SLC10A6: variants seen among roughly 807,000 people sequenced by gnomAD.
SLC10A6 encodes the protein solute carrier family 10 member 6.
A neutral mutation model predicts 30.0 loss-of-function variants in SLC10A6; 27 were observed. The ratio of observed to expected loss-of-function variants is 0.90; its 90% CI spans 0.66 to 1.24. The LOEUF is 1.24. Among genes scored for constraint, SLC10A6 ranks in the 50% most tolerant of loss-of-function variants. The pLI, the probability that SLC10A6 is intolerant of heterozygous loss-of-function variation, is 0.00. For missense variants in SLC10A6, 439 were observed against 457.0 expected, an observed-to-expected ratio of 0.96 and a Z score of 0.36; for synonymous variants, 166 against 173.8, an observed-to-expected ratio of 0.95 and a Z score of 0.36.
At chr4:86,841,929 C>T (rs1238651316) in intron 1 of SLC10A6, among the ~76,000 whole-genome samples, 1 of 152,176 alleles carries the variant, frequency 6.6e-6, no homozygotes, top group Non-Finnish European at 1.5e-5. Flanking sequence ...ATAAATGTTA[C>T]CCTTGTCTGC....
rs757324772 is a variant in SLC10A6 at position 86,828,152 on chromosome 4, C to A, written c.602G>T (p.Gly201Val). 6.2e-7 allele frequency: 1 copy of A among 1,612,198 alleles called. No homozygotes were observed. The highest frequency in any genetic ancestry group is 8.5e-7 in the Non-Finnish European group (1 of 1,179,340). ...TGCGACCACCAGAAGGAGGACCCCA[C>A]CAACAACGGCCCCAATCTGAAGCAA... ...KIILKIGAVV[G>V]GVLLLVVAVA... Residue 201 changes from glycine to valine, a missense_variant, in exon 4 of 6, where the codon GGT becomes GTT. By Grantham distance (109) the Gly-to-Val change is moderately radical. Coordinates refer to ENST00000273905, the MANE Select transcript of SLC10A6 (RefSeq NM_197965.3).
At chr4:86,837,806 A>G (rs1270297836) in intron 1 of SLC10A6, 1 of 201,128 alleles carries the variant, frequency 5.0e-6, no homozygotes, top group East Asian at 1.9e-4. Context: ...AGCATGTACA[A>G]ACTGTTTATA....
At chr4:86,826,048 C>CAG (rs1439039136) in intron 4 of SLC10A6, among the ~76,000 whole-genome samples, 1 of 152,048 alleles carries the variant, frequency 6.6e-6, no homozygotes, top group Non-Finnish European at 1.5e-5. Flanking sequence ...AGCCAATCTG[C>CAG]AGAGAGGAGA....
Position 86,823,899 on chromosome 4 carries a change from T to C in SLC10A6, c.923A>G (p.Tyr308Cys). 1.9e-6 allele frequency: 3 copies of C among 1,605,794 alleles called. No homozygotes were observed. Among genetic ancestry groups the C allele is most frequent in the Non-Finnish European group, 2.6e-6 (3 of 1,175,686 alleles). ...CTTCAATCTCCTCTTGTACGTCTGA[T>C]ATGCTAGGTGTTAAAACATACAAGT... is the stretch of plus-strand genomic sequence containing the variant. ...LIDGFLIVAA[Y>C]QTYKRRLKNK... The change falls in exon 6 of 6, where the codon TAT becomes TGT. Residue 308 changes from tyrosine (Y) to cysteine (C), a missense_variant. By Grantham distance (194) the Tyr-to-Cys change is radical. Transcript: ENST00000273905.
chr4:86,832,672 A>G (rs1282903281), intron 2 of SLC10A6, among the ~76,000 whole-genome samples: 1 of 152,128 alleles, frequency 6.6e-6, no homozygotes, highest in Non-Finnish European at 1.5e-5. Flanking sequence ...ATTTCACCAC[A>G]TTTCTCTTCT....
Position 86,848,956 on chromosome 4 carries a change from C to T in SLC10A6, c.160G>A (p.Glu54Lys). The T allele has an allele frequency of 6.2e-7, 1 of 1,613,484 alleles. No homozygotes were observed. The highest frequency in any genetic ancestry group is 8.5e-7 in the Non-Finnish European group (1 of 1,179,846). The change falls in exon 1 of 6, where the codon GAG (glutamate) becomes AAG (lysine). Residue 54 changes from glutamate (E) to lysine (K), a missense_variant. Glu to Lys is a moderately conservative substitution (Grantham distance 56). Transcript: ENST00000273905. ...ATGTGCGACCACAGCTTCCGGATCT[C>T]CACGGAACATCCCAAAGAGAACATG... ...LLMFSLGCSV[E>K]IRKLWSHIRR...
At position 86,831,992 on chromosome 4, in the gene SLC10A6, T is replaced by G. The variant is rs933659492; in HGVS notation, c.497-112A>C. 3 of 836,064 alleles carry G rather than the reference T, an allele frequency of 3.6e-6. No individual in the cohort carries two copies. The South Asian group carries it at 4.6e-5, about 13-fold the overall frequency. The allele number at this position is 836,064 out of a possible 1,614,324, so 51.8% of individuals were successfully genotyped here. A position where few individuals can be genotyped will look rare whatever the true frequency, so the allele number is the denominator to read the frequency against. On this transcript the variant is annotated intron_variant, in intron 2 of 5. Transcript: ENST00000273905. ...ACAGCTTTAAACTGACATTTTCCCA[T>G]GCCACTTCCCAAGTCTGGATAAATG...
At chr4:86,828,240 T>C in intron 3 of SLC10A6, 72 bp from the exon 4 acceptor site, 1 of 1,479,790 alleles carries the variant, frequency 6.8e-7, no homozygotes, top group South Asian at 1.4e-5. Flanking sequence ...TCCATCAAGG[T>C]TGTAAAATGC....
Position 86,823,750 on chromosome 4 carries a change from G to A in SLC10A6, c.1072C>T (p.Pro358Ser). ...GCCCTGTGGCAATCCATTGGCCCTG[G>A]TGGCCCAGGAGTGATGGCACCTTCT... ...NEEGAITPGP[P>S]GPMDCHRALE... The change falls in exon 6 of 6, where the codon CCA becomes TCA. Residue 358 changes from proline (P) to serine (S), a missense_variant. Transcript: ENST00000273905. The A allele has an allele frequency of 6.2e-7, 1 of 1,614,140 alleles. No individual in the cohort carries two copies. Among genetic ancestry groups the A allele is most frequent in the Non-Finnish European group, 8.5e-7 (1 of 1,180,004 alleles).
At chr4:86,830,445 T>C (rs1292898313) in intron 3 of SLC10A6, among the ~76,000 whole-genome samples, 1 of 152,220 alleles carries the variant, frequency 6.6e-6, no homozygotes, top group Non-Finnish European at 1.5e-5. Context: ...GATGGGACTT[T>C]ATTCCATGAG....
intron 1 of SLC10A6, among the ~76,000 whole-genome samples, chr4:86,837,294 G>GAAAGAAAGAAAGAAAAAGA (rs1560460401): frequency 2.9e-5 from 2 of 68,758 alleles, no homozygotes; most frequent in Admixed American, 1.4e-4. Flanking sequence ...AAAAAGAAAG[G>GAAAGAAAGAAAGAAAAAGA]AAGGAAGGAA....
intron 1 of SLC10A6, among the ~76,000 whole-genome samples, chr4:86,837,225 G>GAGAAAGAAAGAAAGAAAGAA (rs530121412): frequency 4.1e-4 from 16 of 39,134 alleles, no homozygotes; most frequent in South Asian, 9.1e-4. Flanking sequence ...GAGAGAGAGA[G>GAGAAAGAAAGAAAGAAAGAA]AGAAAGAAAG....
Position 86,823,599 on chromosome 4 carries a change from G to T in SLC10A6, c.*89C>A. The T allele has an allele frequency of 4.1e-6, 4 of 976,114 alleles. No individual in the cohort carries two copies. The highest frequency in any genetic ancestry group is 2.9e-5 in the Admixed American group (1 of 34,500). 60.5% of individuals were successfully genotyped at this position (976,114 alleles called of 1,614,324 possible). A position where few individuals can be genotyped will look rare whatever the true frequency, so the allele number is the denominator to read the frequency against. Reference sequence around the variant, plus strand: ...ATTGAACACTTAAATATTCACACTGGCCCTACCAACAAGATTCATGTGTCA... The same window carrying T: ...ATTGAACACTTAAATATTCACACTGTCCCTACCAACAAGATTCATGTGTCA... On this transcript the variant is annotated 3_prime_UTR_variant, in exon 6 of 6. Transcript: ENST00000273905.
At position 86,827,607 on chromosome 4, in the gene SLC10A6, TA is replaced by T. The variant is rs540212333; in HGVS notation, c.761+385del. Among the ~76,000 whole-genome samples the T allele has an allele frequency of 3.3e-3, 507 of 152,268 alleles. 1 individual carries two copies. Among genetic ancestry groups the T allele is most frequent in the African/African-American group, 0.012 (490 of 41,522 alleles). On this transcript the variant is annotated intron_variant, in intron 4 of 5. Transcript: ENST00000273905. Reference sequence around the variant, plus strand: ...CTTCAAAAATATACCAAGGAAATACTAAAGAACTAAAATTATCCTTAATTTC... The same window carrying T: ...CTTCAAAAATATACCAAGGAAATACTAAGAACTAAAATTATCCTTAATTTC...
chr4:86,834,587 G>C (rs887707503), intron 1 of SLC10A6, among the ~76,000 whole-genome samples: 1 of 152,132 alleles, frequency 6.6e-6, no homozygotes, highest in Non-Finnish European at 1.5e-5. Flanking sequence ...GCTAGATTCA[G>C]TGTGATAGTA....
intron 1 of SLC10A6, among the ~76,000 whole-genome samples, chr4:86,834,618 A>G (rs770575728): frequency 1.2e-4 from 19 of 152,122 alleles, no homozygotes; most frequent in South Asian, 2.1e-4. Flanking sequence ...AAATTTTTGC[A>G]TGTATATTCA....
intron 4 of SLC10A6, among the ~76,000 whole-genome samples, chr4:86,825,785 A>G (rs928321036): frequency 6.6e-6 from 1 of 152,248 alleles, no homozygotes; most frequent in African/African-American, 2.4e-5. Flanking sequence ...TGCCCTAGGC[A>G]TCTGAGTAAA....
At chr4:86,833,263 TCAC>T (rs761174879) in intron 2 of SLC10A6, 40 bp downstream of exon 2, 1 of 1,412,086 alleles carries the variant, frequency 7.1e-7, no homozygotes, top group South Asian at 1.2e-5. Flanking sequence ...ATTAGTATCA[TCAC>T]CATTACTGTT....
chr4:86,823,762 T>C lies in SLC10A6; in HGVS notation c.1060A>G (p.Thr354Ala). 6.2e-7 allele frequency: 1 copy of C among 1,614,116 alleles called. No homozygotes were observed. Among genetic ancestry groups the C allele is most frequent in the Non-Finnish European group, 8.5e-7 (1 of 1,180,008 alleles). ...TCCATTGGCCCTGGTGGCCCAGGAGTGATGGCACCTTCTTCATTCACCTCC... is the reference window on the plus strand; with the variant it reads ...TCCATTGGCCCTGGTGGCCCAGGAGCGATGGCACCTTCTTCATTCACCTCC... Reference protein sequence around the residue: ...FLEVNEEGAITPGPPGPMDCH... With the variant: ...FLEVNEEGAIAPGPPGPMDCH... The change falls in exon 6 of 6, where the codon ACT (threonine) becomes GCT (alanine). Residue 354 changes from threonine (T) to alanine (A), a missense_variant. Transcript: ENST00000273905.
Sources: allele counts gnomAD v4.1 joint callset (sites outside exome capture counted in the v4.1 genomes callset), GRCh38; gene constraint gnomAD v4.1.1; transcripts MANE v1.5; gene names NCBI Gene and HGNC (gene_info 2026-07-23, HGNC 2026-07-21).